The following KCNJ4 variants were observed in gnomAD, a reference collection of about 807,000 sequenced individuals.
KCNJ4 encodes the protein inward rectifier potassium channel 4.
KCNJ4 carries 3 observed loss-of-function variants against 25.6 expected under a neutral mutation model. That is an observed-to-expected ratio of 0.12 (90% CI 0.05 to 0.30). KCNJ4 has a LOEUF of 0.30. KCNJ4 is among the 10% of genes least tolerant of loss of function. The pLI, the probability that KCNJ4 is intolerant of heterozygous loss-of-function variation, is 1.00. For synonymous variants in KCNJ4, 257 were observed against 283.9 expected (o/e 0.91, Z 0.95); for missense variants, 286 against 666.8 (o/e 0.43, Z 6.29).
Position 38,426,633 on chromosome 22 carries a change from G to T in KCNJ4, c.*162C>A. On this transcript the variant is annotated 3_prime_UTR_variant, in exon 2 of 2. Coordinates refer to ENST00000303592, the MANE Select transcript of KCNJ4 (RefSeq NM_152868.3). ...CGAGCTCTTCCCAGGCCTGGGTGCT[G>T]GAGTCAGGAGGAAGGGGTCCCCCAG... 1 of 875,374 alleles carries T rather than the reference G, an allele frequency of 1.1e-6. No homozygotes were observed. The highest frequency in any genetic ancestry group is 1.8e-6 in the Non-Finnish European group (1 of 564,760). 54.2% of individuals were successfully genotyped at this position (875,374 alleles called of 1,614,324 possible). A position where few individuals can be genotyped will look rare whatever the true frequency, so the allele number is the denominator to read the frequency against.
At chr22:38,450,324 G>A (rs1248024130) in intron 1 of KCNJ4, among the ~76,000 whole-genome samples, 3 of 152,150 alleles carry the variant, frequency 2.0e-5, no homozygotes, top group Admixed American at 1.3e-4. Context: ...ACAGCTACTC[G>A]GTGGAAATAG....
chr22:38,442,315 G>A (rs974330752), intron 1 of KCNJ4, among the ~76,000 whole-genome samples: 9 of 152,196 alleles, frequency 5.9e-5, no homozygotes, highest in Middle Eastern at 3.4e-3. Flanking sequence ...TTGGGAGGCC[G>A]AGGCGGGCGG....
Position 38,427,577 on chromosome 22 carries a change from G to A in KCNJ4, c.556C>T (p.Leu186=). 2 of 1,611,546 alleles carry A rather than the reference G, an allele frequency of 1.2e-6. No homozygotes were observed. Among genetic ancestry groups the A allele is most frequent in the Non-Finnish European group, 1.7e-6 (2 of 1,178,486 alleles). Residue 186 remains leucine, a synonymous_variant, in exon 2 of 2, where the codon CTG becomes TTG. Transcript: ENST00000303592. ...GAAATGACCGCGTGGTGGCTGAACA[G>A]CAACGTCTGCGCCCGCTTCTTGGGC... ...ARPKKRAQTL[L]FSHHAVISVR... is the part of the protein sequence containing the mutation.
chr22:38,437,286 C>T (rs1272603874), intron 1 of KCNJ4, among the ~76,000 whole-genome samples: 1 of 152,238 alleles, frequency 6.6e-6, no homozygotes, highest in African/African-American at 2.4e-5. Flanking sequence ...GACCCAGAGG[C>T]CACCTGTTTC....
Position 38,426,726 on chromosome 22 carries a change from A to T in KCNJ4, c.*69T>A. 6.6e-7 allele frequency: 1 copy of T among 1,521,978 alleles called. No individual in the cohort carries two copies. Among genetic ancestry groups the T allele is most frequent in the Non-Finnish European group, 8.9e-7 (1 of 1,124,400 alleles). The allele number at this position is 1,521,978 out of a possible 1,614,324, so 94.3% of individuals were successfully genotyped here. The stretch of plus-strand genomic sequence containing the variant: ...GGGTTGGCTCTGTCCTGAGTGTGGG[A>T]GGGGGTGTCCTGGCATCCCACCCCC... On this transcript the variant is annotated 3_prime_UTR_variant, in exon 2 of 2. Transcript: ENST00000303592.
chr22:38,446,954 C>CAAAAAAAAAAAA (rs11294836), intron 1 of KCNJ4, among the ~76,000 whole-genome samples: 1 of 133,904 alleles, frequency 7.5e-6, no homozygotes, highest in African/African-American at 2.8e-5. Context: ...GACTCCATCT[C>CAAAAAAAAAAAA]AAAAAAAAAA....
chr22:38,431,549 GGTTCCC>G (rs1424508323), intron 1 of KCNJ4, among the ~76,000 whole-genome samples: 1 of 152,178 alleles, frequency 6.6e-6, no homozygotes, highest in Non-Finnish European at 1.5e-5. Flanking sequence ...CCCTGTCTTG[GGTTCCC>G]AGTGCCCCCA....
At position 38,427,659 on chromosome 22, in the gene KCNJ4, G is replaced by A. The variant is rs377023017; in HGVS notation, c.474C>T (p.Ile158=). ...TGAAGGAGTCGATGACGCAGCCCAC[G>A]ATGGACTGGACCACCACAGCGATGA... ...LAVIAVVVQS[I]VGCVIDSFMI... Residue 158 remains isoleucine, a synonymous_variant, in exon 2 of 2, where the codon ATC becomes ATT. Transcript: ENST00000303592. 5.4e-5 allele frequency: 87 copies of A among 1,613,160 alleles called. No homozygotes were observed. In the East Asian group the frequency reaches 5.6e-4, roughly 10 times the overall value.
At chr22:38,451,644 A>G (rs46629) in intron 1 of KCNJ4, among the ~76,000 whole-genome samples, 66,429 of 152,000 alleles carry the variant, frequency 0.44, 17,406 homozygotes, top group African/African-American at 0.7. Flanking sequence ...CTGCTTCCAG[A>G]TAGAGCTGGG....
At chr22:38,440,314 G>C (rs550890274) in intron 1 of KCNJ4, among the ~76,000 whole-genome samples, 4 of 152,254 alleles carry the variant, frequency 2.6e-5, no homozygotes, top group Admixed American at 2.6e-4. Flanking sequence ...GGCTGACGTG[G>C]GCAAATCACC....
chr22:38,442,727 A>G (rs1192730319), intron 1 of KCNJ4, among the ~76,000 whole-genome samples: 1 of 152,076 alleles, frequency 6.6e-6, no homozygotes. Flanking sequence ...TGTAAACTGT[A>G]AAGTGCAGAA....
intron 1 of KCNJ4, among the ~76,000 whole-genome samples, chr22:38,446,892 T>C (rs192069039): frequency 6.8e-6 from 1 of 146,196 alleles, no homozygotes; most frequent in Admixed American, 6.8e-5. Flanking sequence ...GAGGCGGAGG[T>C]TGCAGTAAGC....
At chr22:38,440,168 G>T (rs1790281712) in intron 1 of KCNJ4, among the ~76,000 whole-genome samples, 1 of 152,130 alleles carries the variant, frequency 6.6e-6, no homozygotes, top group Admixed American at 6.5e-5. Flanking sequence ...CCAACACTTT[G>T]GGAGGCTGAG....
chr22:38,441,654 C>T (rs12165953), intron 1 of KCNJ4, among the ~76,000 whole-genome samples: 3 of 152,128 alleles, frequency 2.0e-5, no homozygotes, highest in African/African-American at 7.2e-5. Flanking sequence ...AAAGAAGTGG[C>T]GTGGGAGCAG....
At position 38,426,934 on chromosome 22, in the gene KCNJ4, C is replaced by T; in HGVS notation, c.1199G>A (p.Gly400Asp). 1 of 1,612,574 alleles carries T rather than the reference C, an allele frequency of 6.2e-7. No individual in the cohort carries two copies. Among genetic ancestry groups the T allele is most frequent in the Non-Finnish European group, 8.5e-7 (1 of 1,179,800 alleles). Residue 400 changes from glycine (G) to aspartate (D), a missense_variant, in exon 2 of 2, where the codon GGC (glycine) becomes GAC (aspartate). Gly to Asp is a moderately conservative substitution (Grantham distance 94). This residue lies in a region of KCNJ4 where 77 missense variants were observed against 97.6 expected (regional missense o/e 0.79). Coordinates refer to ENST00000303592, the MANE Select transcript of KCNJ4 (RefSeq NM_152868.3). ...EAAAAAAVAAGLGLEAGSKEE... is the reference protein window; with the variant it reads ...EAAAAAAVAADLGLEAGSKEE... ...CTTGGAACCCGCCTCCAGGCCCAGGCCTGCGGCCACCGCGGCCGCCGCAGC... is the reference window on the plus strand; with the variant it reads ...CTTGGAACCCGCCTCCAGGCCCAGGTCTGCGGCCACCGCGGCCGCCGCAGC...
chr22:38,438,703 A>AAAAGAAAG (rs35066342), intron 1 of KCNJ4, among the ~76,000 whole-genome samples: 3 of 148,818 alleles, frequency 2.0e-5, no homozygotes, highest in East Asian at 2.0e-4. Flanking sequence ...AAAAAAGAAA[A>AAAAGAAAG]AAAGAAAGAA....
intron 1 of KCNJ4, among the ~76,000 whole-genome samples, chr22:38,451,749 GT>G (rs1311645898): frequency 6.6e-6 from 1 of 152,138 alleles, no homozygotes; most frequent in Non-Finnish European, 1.5e-5. Context: ...TCAGGCCTCA[GT>G]TTCCACTTTT....
rs574077121 is a variant in KCNJ4, at chr22:38,430,568, C to T, written c.-39-2397G>A. ...CATGCTGGAGACCCGACAGGTCATG[C>T]AGGCACGGCCTCTAACGTAATGCTG... On this transcript the variant is annotated intron_variant, in intron 1 of 1. Coordinates refer to ENST00000303592, the MANE Select transcript of KCNJ4 (RefSeq NM_152868.3). 3.3e-5 allele frequency among the ~76,000 whole-genome samples: 5 copies of T among 152,292 alleles called. No individual in the cohort carries two copies. The East Asian group carries it at 7.7e-4, about 24-fold the overall frequency.
intron 1 of KCNJ4, among the ~76,000 whole-genome samples, chr22:38,442,991 T>C (rs196080): frequency 0.23 from 35,561 of 152,034 alleles, 5,807 homozygotes; most frequent in African/African-American, 0.46. Context: ...GATCCTCCTG[T>C]CTCAGCCTCT....
Sources: gnomAD v4.1 joint callset for allele counts (sites outside exome capture counted in the v4.1 genomes callset) on GRCh38, gnomAD v4.1.1 for gene constraint, gnomAD v4.1.1 regional missense constraint, MANE v1.5 for transcripts, NCBI Gene and HGNC (gene_info 2026-07-23, HGNC 2026-07-21) for gene names.